The following CLTCL1 variants were observed in gnomAD, a reference collection of about 807,000 sequenced individuals.
CLTCL1 encodes the protein clathrin heavy chain like 1, also known as clathrin heavy chain 2.
A neutral mutation model predicts 190.0 loss-of-function variants in CLTCL1; 159 were observed. The observed-to-expected ratio is 0.84, with a 90% CI of 0.74 to 0.95. CLTCL1 has a LOEUF of 0.95. Among genes scored for constraint, CLTCL1 ranks in the 40% least tolerant of loss-of-function variants. The pLI, the probability that CLTCL1 is intolerant of heterozygous loss-of-function variation, is 0.00. For synonymous variants in CLTCL1, 752 were observed against 769.6 expected (o/e 0.98, Z 0.38); for missense variants, 1,878 against 2,033.4 (o/e 0.92, Z 1.47).
rs55790642 is a variant in CLTCL1 at position 19,187,701 on chromosome 22, C to T, written c.4462G>A (p.Asp1488Asn). ...QGLRASIDAY[D>N]NFDNISLAQQ... ...GCCAGGCTGATGTTGTCAAAGTTGT[C>T]ATAGGCATCGATAGATGCCCTTAAG... is the stretch of plus-strand genomic sequence containing the variant. The change falls in exon 29 of 33, where the codon GAC becomes AAC. Residue 1488 changes from aspartate to asparagine, a missense_variant. Physicochemically the swap from Asp to Asn is conservative, Grantham distance 23. Coordinates refer to ENST00000427926, the MANE Select transcript of CLTCL1 (RefSeq NM_007098.4). The T allele has an allele frequency of 3.1e-4, 507 of 1,613,840 alleles. No homozygotes were observed. Among genetic ancestry groups the T allele is most frequent in the South Asian group, 1.4e-3 (130 of 91,068 alleles).
chr22:19,271,216 A>G (rs2146258749), intron 2 of CLTCL1, among the ~76,000 whole-genome samples: 1 of 152,246 alleles, frequency 6.6e-6, no homozygotes, highest in East Asian at 1.9e-4. Context: ...AATACTGAAA[A>G]GGTAATGTGA....
In CLTCL1 at chr22:19,225,531, G is replaced by A; in HGVS notation, c.2050C>T (p.Gln684Ter). 3 of 1,587,432 alleles carry A rather than the reference G, an allele frequency of 1.9e-6. No individual in the cohort carries two copies. The highest frequency in any genetic ancestry group is 4.6e-5 in the East Asian group (2 of 43,466). The change falls in exon 13 of 33, where the codon CAG (glutamine) becomes TAG (stop). Residue 684 changes from glutamine to a stop codon, truncating the protein, a stop_gained. Coordinates refer to ENST00000427926, the MANE Select transcript of CLTCL1 (RefSeq NM_007098.4). LOFTEE classifies it high-confidence loss of function. ...TGCTCGTGGTACTTAGAGGCCACCT[G>A]CACACACAGCTGAAGGTTCTGTCTG... ...NIRQNLQLCV[Q>*]VASKYHEQLG...
In CLTCL1 at chr22:19,229,918, C is replaced by G. The variant is rs1277733011; in HGVS notation, c.1702G>C (p.Asp568His). Residue 568 changes from aspartate to histidine, a missense_variant, in exon 11 of 33, where the codon GAT becomes CAT. Coordinates refer to ENST00000427926, the MANE Select transcript of CLTCL1 (RefSeq NM_007098.4). ...GCTGGGCGATTATTCTTCAAGGCAT[C>G]CAATAAGAAGGAAGTACACTGCTGA... ...LIQQCTSFLL[D>H]ALKNNRPAEG... is the part of the protein sequence containing the mutation. The G allele has an allele frequency of 6.2e-7, 1 of 1,611,272 alleles. No homozygotes were observed. The highest frequency in any genetic ancestry group is 8.5e-7 in the Non-Finnish European group (1 of 1,178,888).
chr22:19,245,186 CT>C (rs1194266137), intron 3 of CLTCL1, among the ~76,000 whole-genome samples: 751 of 118,834 alleles, frequency 6.3e-3, no homozygotes, highest in African/African-American at 0.018. Flanking sequence ...TCTCCCCCTC[CT>C]TTTTTTTTTT....
intron 19 of CLTCL1, among the ~76,000 whole-genome samples, chr22:19,212,677 A>G (rs2085272794): frequency 6.6e-6 from 1 of 152,130 alleles, no homozygotes; most frequent in East Asian, 1.9e-4. Flanking sequence ...AGAAAGAAAG[A>G]AAGAACAAAG....
At chr22:19,211,594 C>T (rs781837947) in intron 19 of CLTCL1, among the ~76,000 whole-genome samples, 5 of 151,668 alleles carry the variant, frequency 3.3e-5, no homozygotes, top group Non-Finnish European at 7.4e-5. Context: ...CGGTAAAGCC[C>T]GTCTCTACTA....
chr22:19,186,520 C>T (rs1036397059), intron 29 of CLTCL1, among the ~76,000 whole-genome samples: 8 of 152,200 alleles, frequency 5.3e-5, no homozygotes, highest in African/African-American at 1.9e-4. Context: ...CCACTTCAGC[C>T]TCTAAAGTAG....
intron 22 of CLTCL1, among the ~76,000 whole-genome samples, chr22:19,203,848 C>T (rs1275736391): frequency 6.6e-6 from 1 of 152,190 alleles, no homozygotes; most frequent in Non-Finnish European, 1.5e-5. Context: ...TGCCCCCAGG[C>T]AGTCCTCACA....
At chr22:19,286,419 T>A (rs782766427) in intron 1 of CLTCL1, among the ~76,000 whole-genome samples, 4 of 149,908 alleles carry the variant, frequency 2.7e-5, no homozygotes, top group Non-Finnish European at 5.9e-5. Flanking sequence ...ACAGTTTACA[T>A]GGTATCTTAA....
Position 19,234,548 on chromosome 22 carries a change from G to C in CLTCL1, c.1128C>G (p.Ser376Arg), listed in dbSNP as rs782232653. The C allele has an allele frequency of 1.2e-5, 19 of 1,613,826 alleles. No individual in the cohort carries two copies. The South Asian group carries it at 1.6e-4, about 14-fold the overall frequency. Residue 376 changes from serine (S) to arginine (R), a missense_variant, in exon 7 of 33, where the codon AGC becomes AGG. Transcript: ENST00000427926. ...RKFNTLFAQG[S>R]YAEAAKVAAS... ...CTGCAACTTTGGCGGCTTCAGCATA[G>C]CTGCCCTGTGCAAAGAGGGTATTGA...
At chr22:19,205,005 G>A (rs1398264876) in intron 22 of CLTCL1, among the ~76,000 whole-genome samples, 2 of 152,164 alleles carry the variant, frequency 1.3e-5, no homozygotes, top group Non-Finnish European at 2.9e-5. Context: ...AACCCAGAGG[G>A]GGATTGGGGG....
chr22:19,187,892 T>G, intron 28 of CLTCL1, 89 bp downstream of exon 28: 2 of 1,433,718 alleles, frequency 1.4e-6, no homozygotes. Context: ...CACCCTCCTG[T>G]GCAAAGGCAG....
chr22:19,219,454 G>GGATT (rs2085497613), intron 18 of CLTCL1, among the ~76,000 whole-genome samples: 1 of 149,396 alleles, frequency 6.7e-6, no homozygotes, highest in Non-Finnish European at 1.5e-5. Context: ...CAAAGTGCTA[G>GGATT]GATTACAGGC....
At chr22:19,193,052 T>A (rs1208940356) in intron 26 of CLTCL1, among the ~76,000 whole-genome samples, 3 of 152,152 alleles carry the variant, frequency 2.0e-5, no homozygotes, top group Non-Finnish European at 2.9e-5. Flanking sequence ...GCGAATCACC[T>A]CCTCAAAGCC....
rs1555953343 is a variant in CLTCL1 at position 19,222,753 on chromosome 22, A to G, written c.2349T>C (p.Phe783=). Residue 783 remains phenylalanine, a synonymous_variant, in exon 15 of 33, where the codon TTT becomes TTC. Transcript: ENST00000427926. ...ATAAATATAGGACAAGGTCATGGACAAAGCCAAAACGATCACACACGATGA... is the reference window on the plus strand; with the variant it reads ...ATAAATATAGGACAAGGTCATGGACGAAGCCAAAACGATCACACACGATGA... ...PLIIVCDRFG[F]VHDLVLYLYR... is the part of the protein sequence containing the mutation. The G allele has an allele frequency of 1.9e-6, 3 of 1,600,996 alleles. No homozygotes were observed. The highest frequency in any genetic ancestry group is 2.6e-6 in the Non-Finnish European group (3 of 1,173,808).
At chr22:19,186,755 T>C (rs944786670) in intron 29 of CLTCL1, among the ~76,000 whole-genome samples, 2 of 151,894 alleles carry the variant, frequency 1.3e-5, no homozygotes, top group Admixed American at 1.3e-4. Context: ...AGTGCACCAC[T>C]ACACCCGGCT....
Position 19,184,313 on chromosome 22 carries a change from T to C in CLTCL1, c.4606-702A>G, listed in dbSNP as rs1256632512. ...CCACTCCACCTGGAGTTGGCCATGA[T>C]CCACTGACTGTGACCTGTGCTCTCC... is the stretch of plus-strand genomic sequence containing the variant. On this transcript the variant is annotated intron_variant, in intron 29 of 32. Transcript: ENST00000427926. The C allele has an allele frequency of 1.1e-4, 39 of 361,726 alleles. No homozygotes were observed. In the Admixed American group the frequency reaches 1.2e-3, roughly 11 times the overall value. 22.4% of individuals were successfully genotyped at this position (361,726 alleles called of 1,614,324 possible). A position where few individuals can be genotyped will look rare whatever the true frequency, so the allele number is the denominator to read the frequency against.
intron 1 of CLTCL1, among the ~76,000 whole-genome samples, chr22:19,279,767 A>G (rs1005204673): frequency 1.3e-5 from 2 of 152,238 alleles, no homozygotes; most frequent in Admixed American, 1.3e-4. Flanking sequence ...TTAGTTATTC[A>G]TATTTACTTA....
At chr22:19,190,504 C>A (rs1307607055) in intron 27 of CLTCL1, among the ~76,000 whole-genome samples, 1 of 146,884 alleles carries the variant, frequency 6.8e-6, no homozygotes, top group African/African-American at 2.5e-5. Context: ...GAGGCCAAGG[C>A]GGGAAGATTG....
Sources: allele counts gnomAD v4.1 joint callset (sites outside exome capture counted in the v4.1 genomes callset), GRCh38; gene constraint gnomAD v4.1.1; transcripts MANE v1.5; gene names NCBI Gene and HGNC (gene_info 2026-07-23, HGNC 2026-07-21).